Variants in RBFOX1 observed in about 807,000 individuals in gnomAD.
The protein encoded by RBFOX1 is RNA binding protein fox-1 homolog 1.
RBFOX1 carries 8 observed loss-of-function variants against 57.7 expected under a neutral mutation model. The ratio of observed to expected loss-of-function variants is 0.14; its 90% CI spans 0.08 to 0.25. The LOEUF (loss-of-function observed/expected upper bound fraction) is 0.25, where lower values mean the gene tolerates loss of function less well. Ranked by LOEUF, RBFOX1 falls within the 10% of genes least tolerant of loss-of-function variation. The pLI, the probability that RBFOX1 is intolerant of heterozygous loss-of-function variation, is 1.00. For missense variants in RBFOX1, 611 were observed against 548.5 expected, an observed-to-expected ratio of 1.11 and a Z score of -1.14; for synonymous variants, 326 against 222.4, an observed-to-expected ratio of 1.47 and a Z score of -4.15.
At chr16:6,794,465 G>A (rs541184166) in intron 3 of RBFOX1, among the ~76,000 whole-genome samples, 15 of 152,152 alleles carry the variant, frequency 9.9e-5, no homozygotes, top group African/African-American at 3.6e-4. Context: ...GGATGGGAGA[G>A]AAGTTTCCTT....
At chr16:7,556,700 C>G (rs2088613763) in intron 5 of RBFOX1, among the ~76,000 whole-genome samples, 1 of 152,112 alleles carries the variant, frequency 6.6e-6, no homozygotes, top group South Asian at 2.1e-4. Context: ...TATATGGACC[C>G]CTTCTTAGGC....
intron 10 of RBFOX1, among the ~76,000 whole-genome samples, chr16:7,621,564 T>C (rs560074219): frequency 6.6e-6 from 1 of 152,322 alleles, no homozygotes; most frequent in East Asian, 1.9e-4. Context: ...CCTGGCCTAA[T>C]TGTTTTATTG....
intron 2 of RBFOX1, among the ~76,000 whole-genome samples, chr16:6,583,988 C>T (rs142340088): frequency 6.3e-5 from 9 of 141,790 alleles, no homozygotes; most frequent in Middle Eastern, 3.6e-3. Context: ...ACAATAACAA[C>T]GACAACAACA....
intron 3 of RBFOX1, among the ~76,000 whole-genome samples, chr16:5,728,795 T>C (rs2151554350): frequency 6.6e-6 from 1 of 152,280 alleles, no homozygotes; most frequent in Non-Finnish European, 1.5e-5. Flanking sequence ...CACTGTGTTC[T>C]GCTGGCCCCT....
At chr16:5,636,479 C>A (rs942713936) in intron 3 of RBFOX1, among the ~76,000 whole-genome samples, 2 of 152,194 alleles carry the variant, frequency 1.3e-5, no homozygotes, top group Non-Finnish European at 2.9e-5. Flanking sequence ...AAGGACTCCT[C>A]CCGCTCATGG....
At chr16:5,604,955 T>C (rs2047514716), downstream of RBFOX1, among the ~76,000 whole-genome samples, 1 of 152,304 alleles carries the variant, frequency 6.6e-6, no homozygotes, top group African/African-American at 2.4e-5. Context: ...TTTTGGAATT[T>C]AGCAAAAGTG....
intron 4 of RBFOX1, among the ~76,000 whole-genome samples, chr16:7,514,560 G>A (rs1034478529): frequency 6.6e-6 from 1 of 152,140 alleles, no homozygotes; most frequent in African/African-American, 2.4e-5. Context: ...GAGCAGAGGG[G>A]ATGGGCAACT....
chr16:7,397,676 A>G (rs1224101460), intron 4 of RBFOX1, among the ~76,000 whole-genome samples: 1 of 152,192 alleles, frequency 6.6e-6, no homozygotes, highest in Non-Finnish European at 1.5e-5. Flanking sequence ...AAGCAAAGTG[A>G]TATTTACATA....
chr16:6,766,329 C>A (rs2077325373), intron 3 of RBFOX1, among the ~76,000 whole-genome samples: 1 of 151,794 alleles, frequency 6.6e-6, no homozygotes, highest in Non-Finnish European at 1.5e-5. Flanking sequence ...TTTTAATGTT[C>A]AGAGTGGAAA....
chr16:6,727,638 T>C (rs1467204380), intron 3 of RBFOX1, among the ~76,000 whole-genome samples: 1 of 152,092 alleles, frequency 6.6e-6, no homozygotes, highest in East Asian at 1.9e-4. Context: ...GATAGGGTCT[T>C]CTACCCCCTC....
intron 3 of RBFOX1, among the ~76,000 whole-genome samples, chr16:6,815,875 G>A (rs2089956077): frequency 6.6e-6 from 1 of 152,164 alleles, no homozygotes; most frequent in African/African-American, 2.4e-5. Context: ...GTTTGAATGG[G>A]TATAATTTAA....
chr16:5,719,532 A>G (rs2051849865), intron 3 of RBFOX1, among the ~76,000 whole-genome samples: 1 of 151,966 alleles, frequency 6.6e-6, no homozygotes, highest in South Asian at 2.1e-4. Context: ...TAACCAAAAT[A>G]AGCTTCCCAC....
intron 14 of RBFOX1, among the ~76,000 whole-genome samples, chr16:7,698,759 G>A (rs2079634328): frequency 6.6e-6 from 1 of 152,114 alleles, no homozygotes; most frequent in Non-Finnish European, 1.5e-5. Context: ...GGAAAGTACA[G>A]GGAGCTAAGG....
Position 7,430,167 on chromosome 16 carries a change from T to G in RBFOX1, c.28-87980T>G, listed in dbSNP as rs139121152. On this transcript the variant is annotated intron_variant, in intron 4 of 15. Transcript: ENST00000550418. ...ATGAGCTTATCATTAATCTAGCACATTTAAATATTTTTGGATAAATAATGT... is the reference window on the plus strand; with the variant it reads ...ATGAGCTTATCATTAATCTAGCACAGTTAAATATTTTTGGATAAATAATGT... Among the ~76,000 whole-genome samples the G allele has an allele frequency of 2.4e-3, 368 of 152,324 alleles. 4 individuals carry two copies. The highest frequency in any genetic ancestry group is 0.01 in the Middle Eastern group (3 of 294).
At chr16:6,922,798 G>C (rs547337165) in intron 3 of RBFOX1, among the ~76,000 whole-genome samples, 20 of 152,242 alleles carry the variant, frequency 1.3e-4, no homozygotes, top group East Asian at 5.8e-4. Context: ...CAGGAGGTCA[G>C]CGTTCATCAC....
chr16:7,460,370 A>T (rs1345349511), intron 4 of RBFOX1, among the ~76,000 whole-genome samples: 9 of 76,008 alleles, frequency 1.2e-4, no homozygotes, highest in Admixed American at 1.6e-4. Context: ...CATTTAGCAA[A>T]ATATATATAT....
chr16:6,551,139 C>G (rs147849170), intron 2 of RBFOX1, among the ~76,000 whole-genome samples: 2,167 of 152,196 alleles, frequency 0.014, 63 homozygotes, highest in African/African-American at 0.05. Context: ...GAGATTAACA[C>G]AAAGCAAAGG....
At chr16:6,371,210 A>G (rs985488898) in intron 2 of RBFOX1, among the ~76,000 whole-genome samples, 10 of 152,142 alleles carry the variant, frequency 6.6e-5, no homozygotes, top group African/African-American at 1.9e-4. Context: ...TAGACTTTTA[A>G]AATACCGATT....
intron 3 of RBFOX1, among the ~76,000 whole-genome samples, chr16:6,953,141 C>A (rs1445009022): frequency 6.6e-6 from 1 of 152,066 alleles, no homozygotes; most frequent in Admixed American, 6.6e-5. Context: ...TGTATGTATG[C>A]CTCTTTCCAC....
Sources: allele counts gnomAD v4.1 joint callset (sites outside exome capture counted in the v4.1 genomes callset), GRCh38; gene constraint gnomAD v4.1.1; transcripts MANE v1.5; gene names NCBI Gene and HGNC (gene_info 2026-07-23, HGNC 2026-07-21).